Variants in LPP observed in about 807,000 individuals in gnomAD.
The protein encoded by LPP is lipoma-preferred partner.
LPP carries 38 observed loss-of-function variants against 60.4 expected under a neutral mutation model. The observed-to-expected ratio is 0.63, with a 90% CI of 0.49 to 0.83. The LOEUF (loss-of-function observed/expected upper bound fraction) is 0.83, where lower values mean the gene tolerates loss of function less well. LPP is among the 40% of genes least tolerant of loss of function. The pLI is 0.00. For missense variants in LPP, 902 were observed against 783.6 expected, an observed-to-expected ratio of 1.15 and a Z score of -1.80; for synonymous variants, 328 against 290.8, an observed-to-expected ratio of 1.13 and a Z score of -1.30.
intron 2 of LPP, among the ~76,000 whole-genome samples, chr3:188,254,253 C>T (rs1329949485): frequency 6.6e-6 from 1 of 152,144 alleles, no homozygotes; most frequent in African/African-American, 2.4e-5. Flanking sequence ...GCAGGAAAAA[C>T]TCAGTAAGAT....
chr3:188,687,844 G>T (rs537276923), intron 7 of LPP, among the ~76,000 whole-genome samples: 3 of 146,786 alleles, frequency 2.0e-5, no homozygotes, highest in Non-Finnish European at 4.5e-5. Flanking sequence ...GCACGATCTC[G>T]GCTCACTGCA....
intron 9 of LPP, among the ~76,000 whole-genome samples, chr3:188,817,032 G>T (rs1488634108): frequency 6.6e-6 from 1 of 152,144 alleles, no homozygotes; most frequent in Non-Finnish European, 1.5e-5. Flanking sequence ...TTGTTGCATG[G>T]AAACAAGTAT....
chr3:188,547,764 C>A (rs932362178), intron 6 of LPP, among the ~76,000 whole-genome samples: 5 of 152,104 alleles, frequency 3.3e-5, no homozygotes, highest in Admixed American at 3.3e-4. Flanking sequence ...TTTAGTACAT[C>A]AGTTGTGTTC....
At chr3:188,448,233 G>C (rs535902196) in intron 4 of LPP, among the ~76,000 whole-genome samples, 1 of 152,214 alleles carries the variant, frequency 6.6e-6, no homozygotes, top group African/African-American at 2.4e-5. Context: ...CATTTAGGAG[G>C]TTTGGGAACG....
chr3:188,495,087 A>ATATATATATATATT (rs1560478042), intron 5 of LPP, among the ~76,000 whole-genome samples: 2 of 22,624 alleles, frequency 8.8e-5, no homozygotes, highest in African/African-American at 2.5e-4. Context: ...TATATATTTT[A>ATATATATATATATT]TTTATATTTT....
At chr3:188,599,751 G>GGGTGT (rs374294307) in intron 6 of LPP, among the ~76,000 whole-genome samples, 3 of 139,828 alleles carry the variant, frequency 2.1e-5, no homozygotes, top group Admixed American at 7.2e-5. Context: ...ACTCGTTAGG[G>GGGTGT]GTGTGTGTGT....
At chr3:188,351,264 T>C (rs1349357995) in intron 3 of LPP, among the ~76,000 whole-genome samples, 3 of 152,314 alleles carry the variant, frequency 2.0e-5, no homozygotes, top group East Asian at 1.9e-4. Context: ...ATGAGACTTA[T>C]AGGCTTAAAG....
At chr3:188,480,162 C>T (rs187127340) in intron 4 of LPP, among the ~76,000 whole-genome samples, 8 of 152,296 alleles carry the variant, frequency 5.3e-5, no homozygotes, top group South Asian at 2.1e-4. Context: ...CTAGGTCCTC[C>T]GGAGTCTTTC....
At chr3:188,275,699 A>G (rs1553847080) in intron 2 of LPP, among the ~76,000 whole-genome samples, 2 of 149,260 alleles carry the variant, frequency 1.3e-5, no homozygotes, top group Non-Finnish European at 3.0e-5. Flanking sequence ...TTTTTCTTTG[A>G]AACGGAGTCT....
chr3:188,495,024 A>G (rs1349953394), intron 5 of LPP, among the ~76,000 whole-genome samples: 3 of 124,494 alleles, frequency 2.4e-5, no homozygotes, highest in Non-Finnish European at 5.0e-5. Context: ...CTCAGAGTTA[A>G]CCCGTGATCC....
At chr3:188,490,168 T>G in intron 5 of LPP, among the ~76,000 whole-genome samples, 1 of 152,180 alleles carries the variant, frequency 6.6e-6, no homozygotes, top group South Asian at 2.1e-4. Context: ...AGGAGAGAGA[T>G]AGGTGCTGTA....
intron 5 of LPP, among the ~76,000 whole-genome samples, chr3:188,507,231 C>T (rs1036188688): frequency 9.9e-5 from 15 of 152,266 alleles, no homozygotes; most frequent in South Asian, 6.2e-4. Flanking sequence ...TACTTATCAC[C>T]CTTTTGATGC....
intron 7 of LPP, among the ~76,000 whole-genome samples, chr3:188,620,588 C>A (rs1378858899): frequency 1.3e-5 from 2 of 151,972 alleles, no homozygotes; most frequent in Non-Finnish European, 2.9e-5. Context: ...GTTTTTCTAT[C>A]TTTTGGCTAT....
At chr3:188,341,984 G>C (rs1763182532) in intron 3 of LPP, among the ~76,000 whole-genome samples, 2 of 152,102 alleles carry the variant, frequency 1.3e-5, no homozygotes, top group Non-Finnish European at 2.9e-5. Flanking sequence ...GATTTAATGT[G>C]TATGTATTTA....
In LPP at chr3:188,748,409, G is replaced by A. The variant is rs114696169; in HGVS notation, c.1241-11704G>A. Among the ~76,000 whole-genome samples, 1,312 of 152,196 alleles carry A rather than the reference G, an allele frequency of 8.6e-3. 16 individuals carry two copies. Among genetic ancestry groups the A allele is most frequent in the Middle Eastern group, 0.014 (4 of 294 alleles). On this transcript the variant is annotated intron_variant, in intron 8 of 11. Transcript: ENST00000617246. ...TTACTCAAAGTCACAGTTCATACAT[G>A]TGGTGCAGCTTGAATCAAAACTCAA...
Position 188,421,195 on chromosome 3 carries a change from A to G in LPP, c.193+14882A>G, listed in dbSNP as rs76578024. 6.7e-3 allele frequency among the ~76,000 whole-genome samples: 1,013 copies of G among 152,198 alleles called. 11 individuals carry two copies. Among genetic ancestry groups the G allele is most frequent in the African/African-American group, 0.023 (938 of 41,536 alleles). ...GTTCCTTAGCATGTAACTATTAACCATGTATTTTTATTTATTTTTCTTTTA... is the reference window on the plus strand; with the variant it reads ...GTTCCTTAGCATGTAACTATTAACCGTGTATTTTTATTTATTTTTCTTTTA... On this transcript the variant is annotated intron_variant, in intron 4 of 11. Coordinates refer to ENST00000617246, the MANE Select transcript of LPP (RefSeq NM_001375462.1).
chr3:188,621,733 T>A (rs865894047), intron 7 of LPP, among the ~76,000 whole-genome samples: 35 of 152,190 alleles, frequency 2.3e-4, no homozygotes, highest in African/African-American at 8.2e-4. Context: ...CAGTCTTGGC[T>A]TACTATAACC....
At chr3:188,516,161 G>A (rs984563451) in intron 5 of LPP, among the ~76,000 whole-genome samples, 3 of 152,116 alleles carry the variant, frequency 2.0e-5, no homozygotes, top group African/African-American at 7.2e-5. Flanking sequence ...GTACATTTGG[G>A]GAGATAGATA....
At chr3:188,453,503 C>A (rs1054327156) in intron 4 of LPP, among the ~76,000 whole-genome samples, 2 of 152,032 alleles carry the variant, frequency 1.3e-5, no homozygotes, top group Non-Finnish European at 2.9e-5. Flanking sequence ...AAATGCTGAT[C>A]TCCTTCCGAC....
Sources: gnomAD v4.1 joint callset for allele counts (sites outside exome capture counted in the v4.1 genomes callset) on GRCh38, gnomAD v4.1.1 for gene constraint, MANE v1.5 for transcripts, NCBI Gene and HGNC (gene_info 2026-07-23, HGNC 2026-07-21) for gene names.